Variants in MSS51 observed in about 807,000 individuals in gnomAD.
The protein encoded by MSS51 is putative protein MSS51 homolog, mitochondrial.
A neutral mutation model predicts 40.2 loss-of-function variants in MSS51; 32 were observed. The ratio of observed to expected loss-of-function variants is 0.80; its 90% confidence interval spans 0.60 to 1.07. The LOEUF (loss-of-function observed/expected upper bound fraction) is 1.07. Among genes scored for constraint, MSS51 ranks in the 50% least tolerant of loss-of-function variants. The pLI, the probability that MSS51 is intolerant of heterozygous loss-of-function variation, is 0.00. For synonymous variants in MSS51, 178 were observed against 214.2 expected (o/e 0.83, Z 1.48); for missense variants, 518 against 568.9 (o/e 0.91, Z 0.91).
chr10:73,432,336 C>G lies in MSS51; in HGVS notation c.-18+1177G>C, dbSNP rs56206589. ...ACAGGCATGAGCCACGGCGCCCGGC[C>G]AAGACACCACTTTCTTAAACCTTGA... On this transcript the variant is annotated intron_variant, in intron 1 of 6. Coordinates refer to ENST00000299432, the MANE Select transcript of MSS51 (RefSeq NM_001024593.2). Among the ~76,000 whole-genome samples, 1,317 of 152,248 alleles carry G rather than the reference C, an allele frequency of 8.7e-3. 12 individuals are homozygous for G. Among genetic ancestry groups the G allele is most frequent in the Non-Finnish European group, 0.013 (872 of 68,026 alleles).
chr10:73,426,222 G>C lies in MSS51; in HGVS notation c.658C>G (p.Arg220Gly). ...AGGACATCCGGGTCTGGCCTTGGCC[G>C]TCCTACACTGGCCCATAAGGTGGTC... ...AVTTLWASVG[R>G]PRPDPDVLQG... Residue 220 changes from arginine (R) to glycine (G), a missense_variant, in exon 5 of 7, where the codon CGG (arginine) becomes GGG (glycine). Transcript: ENST00000299432. 1 of 1,614,036 alleles carries C rather than the reference G, an allele frequency of 6.2e-7. No individual in the cohort carries two copies. Among genetic ancestry groups the C allele is most frequent in the Non-Finnish European group, 8.5e-7 (1 of 1,180,032 alleles).
intron 4 of MSS51, 100 bp downstream of exon 4, chr10:73,426,507 C>A (rs1259881059): frequency 3.8e-6 from 6 of 1,590,940 alleles, no homozygotes; most frequent in Non-Finnish European, 5.1e-6. Context: ...ATCCTTTGCC[C>A]CACTTCCTCA....
Position 73,423,977 on chromosome 10 carries a change from A to G in MSS51, c.*576T>C, listed in dbSNP as rs2055962442. ...TCAAAAGGTAAACTTCTTTACAAAGAAAAGTGTTAGCAACTATAAGCTCTG... is the reference window on the plus strand; with the variant it reads ...TCAAAAGGTAAACTTCTTTACAAAGGAAAGTGTTAGCAACTATAAGCTCTG... On this transcript the variant is annotated 3_prime_UTR_variant, in exon 7 of 7. Transcript: ENST00000299432. 1 of 152,468 alleles carries G rather than the reference A, an allele frequency of 6.6e-6. No individual in the cohort carries two copies. The highest frequency in any genetic ancestry group is 2.4e-5 in the African/African-American group (1 of 41,464). 9.4% of individuals were successfully genotyped at this position (152,468 alleles called of 1,614,324 possible).
intron 1 of MSS51, among the ~76,000 whole-genome samples, chr10:73,432,519 G>A (rs1190301378): frequency 1.3e-5 from 2 of 152,164 alleles, no homozygotes; most frequent in African/African-American, 4.8e-5. Flanking sequence ...GGTCAGAAAG[G>A]TACTGCTTTA....
In MSS51 at chr10:73,428,217, G is replaced by A. The variant is rs2056004345; in HGVS notation, c.68C>T (p.Ala23Val). 1 of 1,613,996 alleles carries A rather than the reference G, an allele frequency of 6.2e-7. No homozygotes were observed. The highest frequency in any genetic ancestry group is 1.7e-5 in the Admixed American group (1 of 60,004). ...CACAGGGGTCACAATTGTGGTTGGG[G>A]CCATGATGATGGGAGCCACTGATGA... Reference protein sequence around the residue: ...PPSSVAPIIMAPTTIVTPVPL... With the variant: ...PPSSVAPIIMVPTTIVTPVPL... The change falls in exon 2 of 7, where the codon GCC becomes GTC. Residue 23 changes from alanine to valine, a missense_variant. Coordinates refer to ENST00000299432, the MANE Select transcript of MSS51 (RefSeq NM_001024593.2).
In MSS51 at chr10:73,426,604, C is replaced by T; in HGVS notation, c.502+3G>A. 1 of 1,614,146 alleles carries T rather than the reference C, an allele frequency of 6.2e-7. No individual in the cohort carries two copies. The highest frequency in any genetic ancestry group is 8.5e-7 in the Non-Finnish European group (1 of 1,180,022). On this transcript the variant is annotated splice_donor_region_variant and intron_variant, in intron 4 of 6. Transcript: ENST00000299432. ...GCAGAGATCCTCAACACCACCACTC[C>T]ACCTGTGACCAGAAGCCATTCCATG...
In MSS51 at chr10:73,426,016, G is replaced by A; in HGVS notation, c.864C>T (p.Tyr288=). The A allele has an allele frequency of 6.2e-7, 1 of 1,614,232 alleles. No homozygotes were observed. Among genetic ancestry groups the A allele is most frequent in the South Asian group, 1.1e-5 (1 of 91,088 alleles). ...GGAGTCCAAGGTGCCCAGGAAACAT[G>A]TAACCAAGCTCATCATAGTCCCCTG... is the stretch of plus-strand genomic sequence containing the variant. ...TRPGDYDELG[Y]MFPGHLGLRV... Residue 288 remains tyrosine, a synonymous_variant, in exon 5 of 7, where the codon TAC becomes TAT. Transcript: ENST00000299432.
In MSS51 at chr10:73,424,403, A is replaced by G; in HGVS notation, c.*150T>C. ...AAAAAAGAAAGAAACCAGTTATGTT[A>G]TACAGAAACTCTCATTCAGCTTAGA... is the stretch of plus-strand genomic sequence containing the variant. On this transcript the variant is annotated 3_prime_UTR_variant, in exon 7 of 7. Transcript: ENST00000299432. The G allele has an allele frequency of 1.5e-6, 1 of 655,232 alleles. No homozygotes were observed. The highest frequency in any genetic ancestry group is 2.7e-6 in the Non-Finnish European group (1 of 371,238). The allele number at this position is 655,232 out of a possible 1,614,324, so 40.6% of individuals were successfully genotyped here. A position where few individuals can be genotyped will look rare whatever the true frequency, so the allele number is the denominator to read the frequency against.
chr10:73,428,868 TATATAAGTAA>T (rs1564542089), intron 1 of MSS51, among the ~76,000 whole-genome samples: 1 of 152,012 alleles, frequency 6.6e-6, no homozygotes, highest in Admixed American at 6.6e-5. Context: ...CACATATATA[TATATAAGTAA>T]ATGCATCAAA....
intron 2 of MSS51, 27 bp downstream of exon 2, chr10:73,428,037 C>A: frequency 6.2e-7 from 1 of 1,601,062 alleles, no homozygotes; most frequent in Non-Finnish European, 8.6e-7. Flanking sequence ...GACAATATAT[C>A]CCTTTTCCAT....
chr10:73,429,289 G>C lies in MSS51; in HGVS notation c.-17-988C>G, dbSNP rs115613418. The stretch of plus-strand genomic sequence containing the variant: ...AAATAGGAACTGGGCTGATCAAATG[G>C]AACTGTATACTTACCTGTAATGTTT... On this transcript the variant is annotated intron_variant, in intron 1 of 6. Transcript: ENST00000299432. Among the ~76,000 whole-genome samples the C allele has an allele frequency of 5.7e-3, 873 of 152,198 alleles. 8 individuals are homozygous for C. The highest frequency in any genetic ancestry group is 0.02 in the African/African-American group (821 of 41,540).
At chr10:73,427,253 T>C (rs1447610168) in intron 3 of MSS51, among the ~76,000 whole-genome samples, 1 of 151,260 alleles carries the variant, frequency 6.6e-6, no homozygotes, top group Non-Finnish European at 1.5e-5. Context: ...TGGAATGAGG[T>C]TGTAGTAGAA....
intron 1 of MSS51, among the ~76,000 whole-genome samples, chr10:73,432,450 G>T (rs1228111575): frequency 6.6e-6 from 1 of 151,974 alleles, no homozygotes. Context: ...ATTTATAATA[G>T]ATATCTCCCT....
At chr10:73,431,297 C>T (rs1040580413) in intron 1 of MSS51, among the ~76,000 whole-genome samples, 6 of 151,684 alleles carry the variant, frequency 4.0e-5, no homozygotes, top group Admixed American at 1.3e-4. Flanking sequence ...ATTTTCACTT[C>T]GATTAAAAAA....
Position 73,426,030 on chromosome 10 carries a change from C to G in MSS51, c.850G>C (p.Asp284His). 6.2e-7 allele frequency: 1 copy of G among 1,614,214 alleles called. No individual in the cohort carries two copies. The highest frequency in any genetic ancestry group is 8.5e-7 in the Non-Finnish European group (1 of 1,180,042). ...CCAGGAAACATGTAACCAAGCTCATCATAGTCCCCTGGGCGAGTAAGAAAT... is the reference window on the plus strand; with the variant it reads ...CCAGGAAACATGTAACCAAGCTCATGATAGTCCCCTGGGCGAGTAAGAAAT... The part of the protein sequence containing the change: ...ETFLTRPGDY[D>H]ELGYMFPGHL... Residue 284 changes from aspartate (D) to histidine (H), a missense_variant, in exon 5 of 7, where the codon GAT (aspartate) becomes CAT (histidine). By Grantham distance (81) the Asp-to-His change is moderately conservative (BLOSUM62 -1). Coordinates refer to ENST00000299432, the MANE Select transcript of MSS51 (RefSeq NM_001024593.2).
In MSS51 at chr10:73,423,987, G is replaced by C. The variant is rs751536296; in HGVS notation, c.*566C>G. The C allele has an allele frequency of 1.3e-5, 2 of 152,606 alleles. No individual in the cohort carries two copies. Among genetic ancestry groups the C allele is most frequent in the African/African-American group, 2.4e-5 (1 of 41,456 alleles). The allele number at this position is 152,606 out of a possible 1,614,324, so 9.5% of individuals were successfully genotyped here. A position where few individuals can be genotyped will look rare whatever the true frequency, so the allele number is the denominator to read the frequency against. On this transcript the variant is annotated 3_prime_UTR_variant, in exon 7 of 7. Transcript: ENST00000299432. ...AACTTCTTTACAAAGAAAAGTGTTA[G>C]CAACTATAAGCTCTGGAAAGACCAG...
chr10:73,425,236 G>A, intron 5 of MSS51, 45 bp from the exon 6 acceptor site: 1 of 1,265,534 alleles, frequency 7.9e-7, no homozygotes, highest in Non-Finnish European at 1.1e-6. Flanking sequence ...GACTAAAGCA[G>A]ACCCTAAGAG....
chr10:73,426,155 C>A lies in MSS51; in HGVS notation c.725G>T (p.Arg242Leu). Residue 242 changes from arginine (R) to leucine (L), a missense_variant, in exon 5 of 7, where the codon CGG becomes CTG. Coordinates refer to ENST00000299432, the MANE Select transcript of MSS51 (RefSeq NM_001024593.2). The part of the protein sequence containing the change: ...LKRLLTDVLS[R>L]PLTLGLGLRA... ...AAGTCCTAGGCCTAGAGTCAAGGGCCGTGACAGGACATCTGTCAGCAGCCG... is the reference window on the plus strand; with the variant it reads ...AAGTCCTAGGCCTAGAGTCAAGGGCAGTGACAGGACATCTGTCAGCAGCCG... 1.2e-6 allele frequency: 2 copies of A among 1,614,194 alleles called. No individual in the cohort carries two copies. The highest frequency in any genetic ancestry group is 1.7e-6 in the Non-Finnish European group (2 of 1,180,030).
At chr10:73,432,136 T>C (rs2056033612) in intron 1 of MSS51, among the ~76,000 whole-genome samples, 1 of 152,184 alleles carries the variant, frequency 6.6e-6, no homozygotes, top group African/African-American at 2.4e-5. Flanking sequence ...CCTCCCGGGT[T>C]CAAGTGATTC....
Sources: gnomAD v4.1 joint callset for allele counts (sites outside exome capture counted in the v4.1 genomes callset) on GRCh38, gnomAD v4.1.1 for gene constraint, MANE v1.5 for transcripts, NCBI Gene and HGNC (gene_info 2026-07-23, HGNC 2026-07-21) for gene names.